The following PPP2CA variants were observed in gnomAD, a reference collection of about 807,000 sequenced individuals.
The protein encoded by PPP2CA is serine/threonine-protein phosphatase 2A catalytic subunit alpha isoform.
A neutral mutation model predicts 38.8 loss-of-function variants in PPP2CA; 5 were observed. The observed-to-expected ratio is 0.13, with a 90% CI of 0.07 to 0.27. The LOEUF (loss-of-function observed/expected upper bound fraction) is 0.27, where lower values mean the gene tolerates loss of function less well. Ranked by LOEUF, PPP2CA falls within the 10% of genes least tolerant of loss-of-function variation. The probability of loss-of-function intolerance (pLI) is 1.00; values close to 1 mark genes in which losing one functional copy is unlikely to be tolerated. For synonymous variants in PPP2CA, 152 were observed against 134.0 expected, an observed-to-expected ratio of 1.13 and a Z score of -0.93; for missense variants, 88 against 389.7, an observed-to-expected ratio of 0.23 and a Z score of 6.52.
At chr5:134,215,061 G>A (rs1233694272) in intron 1 of PPP2CA, among the ~76,000 whole-genome samples, 1 of 150,938 alleles carries the variant, frequency 6.6e-6, no homozygotes, top group African/African-American at 2.4e-5. Context: ...CAATCAATTG[G>A]GACCTAGGGC....
At chr5:134,202,198 G>A (rs1412591872) in intron 2 of PPP2CA, 177 bp from the exon 3 acceptor site, 1 of 545,140 alleles carries the variant, frequency 1.8e-6, no homozygotes, top group African/African-American at 2.0e-5. Flanking sequence ...CCCATGGGGT[G>A]TTTGCCCACC....
rs564693535 is a variant in PPP2CA at position 134,197,756 on chromosome 5, C to CA, written c.*15dup. 5.4e-5 allele frequency: 86 copies of CA among 1,603,790 alleles called. No individual in the cohort carries two copies. Among genetic ancestry groups the CA allele is most frequent in the Admixed American group, 3.2e-4 (19 of 59,984 alleles). ...ATATATGGTTCATGGCAATACTGTA[C>CA]AAGTTTAAAATTTCATTACAGGAAG... On this transcript the variant is annotated 3_prime_UTR_variant, in exon 7 of 7. Transcript: ENST00000481195.
rs569418614 is a variant in PPP2CA, at chr5:134,223,842, CAA to C, written c.102+1916_102+1917del. Among the ~76,000 whole-genome samples the C allele has an allele frequency of 2.9e-4, 44 of 152,328 alleles. No homozygotes were observed. In the South Asian group the frequency reaches 3.7e-3, roughly 13 times the overall value. ...ATTCTTCATTGCTTTTCATTTCCCTCAAAAGAGTATGCAATCTTAGATATTCA... is the reference window on the plus strand; with the variant it reads ...ATTCTTCATTGCTTTTCATTTCCCTCAAGAGTATGCAATCTTAGATATTCA... On this transcript the variant is annotated intron_variant, in intron 1 of 6. Transcript: ENST00000481195.
Position 134,226,046 on chromosome 5 carries a change from G to A in PPP2CA, c.-185C>T, listed in dbSNP as rs960869150. 3.8e-6 allele frequency: 2 copies of A among 528,428 alleles called. No homozygotes were observed. Among genetic ancestry groups the A allele is most frequent in the Non-Finnish European group, 3.3e-6 (1 of 301,388 alleles). The allele number at this position is 528,428 out of a possible 1,614,324, so 32.7% of individuals were successfully genotyped here. A position where few individuals can be genotyped will look rare whatever the true frequency, so the allele number is the denominator to read the frequency against. On this transcript the variant is annotated 5_prime_UTR_variant, in exon 1 of 7. Coordinates refer to ENST00000481195, the MANE Select transcript of PPP2CA (RefSeq NM_002715.4). Reference sequence around the variant, plus strand: ...GGCCGCTGCGCCTCCTCCTCCGCTCGCTGAGGCTCCAGAGCTCGGCTCTCT... The same window carrying A: ...GGCCGCTGCGCCTCCTCCTCCGCTCACTGAGGCTCCAGAGCTCGGCTCTCT...
intron 1 of PPP2CA, among the ~76,000 whole-genome samples, chr5:134,217,636 A>T (rs1264942656): frequency 1.3e-5 from 2 of 152,218 alleles, no homozygotes; most frequent in Non-Finnish European, 2.9e-5. Context: ...AAGGTTTGTG[A>T]TAAGTTAGTG....
rs1220041929 is a variant in PPP2CA at position 134,196,494 on chromosome 5, AAT to A, written c.*1276_*1277del. 2 of 152,230 alleles carry A rather than the reference AAT, an allele frequency of 1.3e-5. No homozygotes were observed. The highest frequency in any genetic ancestry group is 2.9e-5 in the Non-Finnish European group (2 of 68,028). 9.4% of individuals were successfully genotyped at this position (152,230 alleles called of 1,614,324 possible). On this transcript the variant is annotated 3_prime_UTR_variant, in exon 7 of 7. Coordinates refer to ENST00000481195, the MANE Select transcript of PPP2CA (RefSeq NM_002715.4). Reference sequence around the variant, plus strand: ...ACATAAGACTAAATCATGATCCAACAATAGTTTTCTATTTGGTTTCACTAGTA... The same window carrying A: ...ACATAAGACTAAATCATGATCCAACAAGTTTTCTATTTGGTTTCACTAGTA...
chr5:134,202,753 A>G (rs1469736451), intron 2 of PPP2CA, among the ~76,000 whole-genome samples: 1 of 152,250 alleles, frequency 6.6e-6, no homozygotes, highest in Non-Finnish European at 1.5e-5. Flanking sequence ...TCCTAAGAAT[A>G]TAATTGTTGG....
intron 1 of PPP2CA, among the ~76,000 whole-genome samples, chr5:134,208,119 T>C (rs1199061999): frequency 6.6e-6 from 1 of 152,160 alleles, no homozygotes. Flanking sequence ...TAAAAGGGCA[T>C]GACATAAGCA....
chr5:134,218,949 G>A (rs536712862), intron 1 of PPP2CA, among the ~76,000 whole-genome samples: 4 of 152,092 alleles, frequency 2.6e-5, no homozygotes, highest in African/African-American at 7.2e-5. Context: ...GATTCCAGGC[G>A]TGAGCCACTG....
At chr5:134,220,455 T>TAAAAAAA (rs1762412825) in intron 1 of PPP2CA, among the ~76,000 whole-genome samples, 2 of 2,166 alleles carry the variant, frequency 9.2e-4, no homozygotes, top group Non-Finnish European at 2.7e-3. Flanking sequence ...AGACTCTATC[T>TAAAAAAA]CAAAAAAAAA....
intron 1 of PPP2CA, 115 bp downstream of exon 1, chr5:134,225,645 G>A: frequency 1.2e-6 from 1 of 866,754 alleles, no homozygotes; most frequent in Non-Finnish European, 1.7e-6. Context: ...GCCGGTCTCG[G>A]AGACTCGGGG....
intron 1 of PPP2CA, among the ~76,000 whole-genome samples, chr5:134,215,701 T>C (rs1299628512): frequency 6.6e-6 from 1 of 152,172 alleles, no homozygotes; most frequent in Non-Finnish European, 1.5e-5. Context: ...GGCCTCCCAA[T>C]CTGCTGGGAT....
Position 134,195,514 on chromosome 5 carries a change from C to T in PPP2CA, c.*2258G>A, listed in dbSNP as rs10900827. The T allele has an allele frequency of 0.77, 117,646 of 152,140 alleles. 45,943 individuals are homozygous for T. The highest frequency in any genetic ancestry group is 0.82 in the Non-Finnish European group (55,929 of 67,986). 9.4% of individuals were successfully genotyped at this position (152,140 alleles called of 1,614,324 possible). On this transcript the variant is annotated 3_prime_UTR_variant, in exon 7 of 7. Coordinates refer to ENST00000481195, the MANE Select transcript of PPP2CA (RefSeq NM_002715.4). ...CCACCCACCCTGGTCTCCCAAAGTGCTGGGATTACAGGCATGAGCCACTGT... is the reference window on the plus strand; with the variant it reads ...CCACCCACCCTGGTCTCCCAAAGTGTTGGGATTACAGGCATGAGCCACTGT...
chr5:134,223,657 C>T (rs1024633250), intron 1 of PPP2CA, among the ~76,000 whole-genome samples: 47 of 152,332 alleles, frequency 3.1e-4, no homozygotes, highest in African/African-American at 1.1e-3. Context: ...ATATTAGATG[C>T]ATCAGCTTCA....
chr5:134,201,527 G>A (rs1761965988), intron 3 of PPP2CA, among the ~76,000 whole-genome samples: 1 of 152,106 alleles, frequency 6.6e-6, no homozygotes. Flanking sequence ...GTTCTTTTGT[G>A]TGCACATCTA....
chr5:134,203,297 CTA>C (rs1180480240), intron 2 of PPP2CA, among the ~76,000 whole-genome samples: 2 of 152,160 alleles, frequency 1.3e-5, no homozygotes, highest in Non-Finnish European at 2.9e-5. Flanking sequence ...ACATTTAGTT[CTA>C]TGATACATTC....
chr5:134,198,950 A>G, intron 6 of PPP2CA, 136 bp downstream of exon 6: 1 of 664,402 alleles, frequency 1.5e-6, no homozygotes, highest in Non-Finnish European at 2.6e-6. Context: ...CTAGGAGGCC[A>G]AGGTGAAAGG....
intron 1 of PPP2CA, among the ~76,000 whole-genome samples, chr5:134,208,957 G>A (rs1245420149): frequency 6.6e-6 from 1 of 152,160 alleles, no homozygotes; most frequent in African/African-American, 2.4e-5. Flanking sequence ...GCAGAGGGGT[G>A]TGAAACTACA....
chr5:134,225,451 GTCCCTGACGATGACCCAC>G, intron 1 of PPP2CA: 1 of 288,388 alleles, frequency 3.5e-6, no homozygotes, highest in African/African-American at 2.3e-5. Flanking sequence ...CCTCAAAACC[GTCCCTGACGATGACCCAC>G]AGGGTCTCCG....
Sources: allele counts gnomAD v4.1 joint callset (sites outside exome capture counted in the v4.1 genomes callset), GRCh38; gene constraint gnomAD v4.1.1; transcripts MANE v1.5; gene names NCBI Gene and HGNC (gene_info 2026-07-23, HGNC 2026-07-21).